Variants in KIF13A observed in about 807,000 individuals in gnomAD.
KIF13A encodes kinesin family member 13A.
KIF13A carries 79 observed loss-of-function variants against 212.2 expected under a neutral mutation model. The observed-to-expected ratio is 0.37, with a 90% CI of 0.31 to 0.45. The LOEUF (loss-of-function observed/expected upper bound fraction) is 0.45. Ranked by LOEUF, KIF13A falls within the 20% of genes least tolerant of loss-of-function variation. The pLI is 1.00. For synonymous variants in KIF13A, 789 were observed against 808.6 expected (o/e 0.98, Z 0.41); for missense variants, 1,901 against 2,209.0 (o/e 0.86, Z 2.79).
chr6:17,907,047 G>A (rs983349512), intron 2 of KIF13A, among the ~76,000 whole-genome samples: 1 of 152,162 alleles, frequency 6.6e-6, no homozygotes, highest in Middle Eastern at 3.2e-3. Flanking sequence ...ATATGTCTGT[G>A]AATTGAAATG....
rs1156422164 is a variant in KIF13A, at chr6:17,787,181, A to AT, written c.3361+594dup. Among the ~76,000 whole-genome samples the AT allele has an allele frequency of 1.3e-5, 2 of 152,212 alleles. No individual in the cohort carries two copies. The highest frequency in any genetic ancestry group is 1.5e-5 in the Non-Finnish European group (1 of 68,036). On this transcript the variant is annotated intron_variant, in intron 27 of 38. Transcript: ENST00000259711. This position sits in a 1 kb window ranked among gnomAD's most constrained non-coding sequence, Gnocchi z 4.6. Reference sequence around the variant, plus strand: ...GGTGCCTAAAGTACCTTGTATTGACATACTGGTATTGATCACATTTGTGTT... The same window carrying AT: ...GGTGCCTAAAGTACCTTGTATTGACATTACTGGTATTGATCACATTTGTGTT...
In KIF13A at chr6:17,804,394, C is replaced by G. The variant is rs764895482; in HGVS notation, c.2421G>C (p.Gln807His). The G allele has an allele frequency of 3.2e-6, 5 of 1,553,790 alleles. No individual in the cohort carries two copies. The highest frequency in any genetic ancestry group is 4.4e-6 in the Non-Finnish European group (5 of 1,147,922). The change falls in exon 20 of 39, where the codon CAG becomes CAC. Residue 807 changes from glutamine (Q) to histidine (H), a missense_variant. By Grantham distance (24) the Gln-to-His change is conservative (BLOSUM62 0). This residue lies in a region of KIF13A where 534 missense variants were observed against 536.9 expected (regional missense o/e 0.99). Coordinates refer to ENST00000259711, the MANE Select transcript of KIF13A (RefSeq NM_022113.6). The part of the protein sequence containing the change: ...LECLFCDVKL[Q>H]YAVPIISQQG... ...GCTGGCTGATGATAGGGACTGCATA[C>G]TGAAGTTTCACATCACAGAAGAGGC...
In KIF13A at chr6:17,957,600, T is replaced by C. The variant is rs150290282; in HGVS notation, c.146+29454A>G. Among the ~76,000 whole-genome samples the C allele has an allele frequency of 2.6e-3, 390 of 152,276 alleles. 1 individual carries two copies. The highest frequency in any genetic ancestry group is 9.0e-3 in the African/African-American group (375 of 41,558). ...GAAGCCCAGACTTGTGACTGATGTT[T>C]AAAACAGGGGGGCAGTCTTGTGGGA... On this transcript the variant is annotated intron_variant, in intron 2 of 38. Transcript: ENST00000259711.
chr6:17,804,570 A>T (rs1762768703), intron 19 of KIF13A, 60 bp from the exon 20 acceptor site: 7 of 1,385,404 alleles, frequency 5.1e-6, no homozygotes, highest in Non-Finnish European at 6.7e-6. Context: ...AATTTAAATA[A>T]TATTATTTAA....
At chr6:17,907,078 AT>A (rs1384659483) in intron 2 of KIF13A, among the ~76,000 whole-genome samples, 1 of 152,216 alleles carries the variant, frequency 6.6e-6, no homozygotes, top group Non-Finnish European at 1.5e-5. Flanking sequence ...ACTTTAATTA[AT>A]AGCTAACACT....
Position 17,768,423 on chromosome 6 carries a change from G to A in KIF13A, c.4581+2691C>T, listed in dbSNP as rs892147197. ...ACATTAAAGCAGTGACTCTTTGTAA[G>A]GAGTTTCCTTCATTAATGCAATTTC... is the stretch of plus-strand genomic sequence containing the variant. On this transcript the variant is annotated intron_variant, in intron 38 of 38. Transcript: ENST00000259711. The surrounding 1 kb of genome is among the most constrained non-coding windows in gnomAD (Gnocchi z 5.4). 6.6e-6 allele frequency among the ~76,000 whole-genome samples: 1 copy of A among 152,186 alleles called. No homozygotes were observed. Among genetic ancestry groups the A allele is most frequent in the Non-Finnish European group, 1.5e-5 (1 of 68,020 alleles).
rs1760794568 is a variant in KIF13A at position 17,783,585 on chromosome 6, T to C, written c.3544+61A>G. Reference sequence around the variant, plus strand: ...TTTAAGGATCAAAATAATGTGAATCTGGATAGATTACAAACCTTAGTTAAA... The same window carrying C: ...TTTAAGGATCAAAATAATGTGAATCCGGATAGATTACAAACCTTAGTTAAA... On this transcript the variant is annotated intron_variant, in intron 29 of 38. Transcript: ENST00000259711. This position sits in a 1 kb window ranked among gnomAD's most constrained non-coding sequence, Gnocchi z 4.3. 3 of 1,075,692 alleles carry C rather than the reference T, an allele frequency of 2.8e-6. No homozygotes were observed. In the Admixed American group the frequency reaches 6.0e-5, roughly 22 times the overall value. The allele number at this position is 1,075,692 out of a possible 1,614,324, so 66.6% of individuals were successfully genotyped here.
rs572524570 is a variant in KIF13A at position 17,838,821 on chromosome 6, T to G, written c.831-1238A>C. Among the ~76,000 whole-genome samples the G allele has an allele frequency of 5.3e-4, 81 of 152,168 alleles. No homozygotes were observed. The highest frequency in any genetic ancestry group is 9.3e-4 in the Non-Finnish European group (63 of 68,004). On this transcript the variant is annotated intron_variant, in intron 9 of 38. Coordinates refer to ENST00000259711, the MANE Select transcript of KIF13A (RefSeq NM_022113.6). This position sits in a 1 kb window ranked among gnomAD's most constrained non-coding sequence, Gnocchi z 4.2. ...AGGATGACGAGCTTATTTTTTTGTTTGTTTGTTTTTTGAGATGGAATCTCG... is the reference window on the plus strand; with the variant it reads ...AGGATGACGAGCTTATTTTTTTGTTGGTTTGTTTTTTGAGATGGAATCTCG...
At chr6:17,929,198 A>G (rs1444010270) in intron 2 of KIF13A, among the ~76,000 whole-genome samples, 2 of 151,672 alleles carry the variant, frequency 1.3e-5, no homozygotes, top group Non-Finnish European at 2.9e-5. Context: ...GGCTTTACCT[A>G]TGTGTGTGTG....
At chr6:17,763,213 A>G (rs574065590), downstream of KIF13A, among the ~76,000 whole-genome samples, 2 of 152,328 alleles carry the variant, frequency 1.3e-5, no homozygotes, top group African/African-American at 2.4e-5. Flanking sequence ...AGTCAGGCAC[A>G]GTGGCTCATG....
In KIF13A at chr6:17,794,443, G is replaced by T; in HGVS notation, c.3076-48C>A. On this transcript the variant is annotated intron_variant, in intron 24 of 38. Transcript: ENST00000259711. This position sits in a 1 kb window ranked among gnomAD's most constrained non-coding sequence, Gnocchi z 4.1. ...TGGGTGCCAGGAATGATAATGAAAA[G>T]GAACGGGATAAAGAAGGGGAAAAGG... The T allele has an allele frequency of 6.3e-7, 1 of 1,585,192 alleles. No individual in the cohort carries two copies. Among genetic ancestry groups the T allele is most frequent in the Admixed American group, 1.8e-5 (1 of 57,054 alleles).
At chr6:17,901,758 C>T (rs1773076985) in intron 2 of KIF13A, among the ~76,000 whole-genome samples, 1 of 152,150 alleles carries the variant, frequency 6.6e-6, no homozygotes, top group Non-Finnish European at 1.5e-5. Context: ...CATCTTTTAA[C>T]AATATGGAAA....
intron 3 of KIF13A, among the ~76,000 whole-genome samples, chr6:17,877,352 C>T (rs1770662622): frequency 6.6e-6 from 1 of 152,078 alleles, no homozygotes; most frequent in East Asian, 1.9e-4. Context: ...AGTTATGAAA[C>T]AATAGTTTCA....
chr6:17,891,662 GCAGGAGGATTGCTTGAGCC>G (rs1165747401), intron 3 of KIF13A, among the ~76,000 whole-genome samples: 1 of 152,104 alleles, frequency 6.6e-6, no homozygotes, highest in African/African-American at 2.4e-5. Flanking sequence ...GGAGGCTGAG[GCAGGAGGATTGCTTGAGCC>G]CAGGAGTTTG....
intron 11 of KIF13A, among the ~76,000 whole-genome samples, chr6:17,836,371 C>T (rs1164269087): frequency 6.6e-6 from 1 of 152,130 alleles, no homozygotes; most frequent in Admixed American, 6.5e-5. Context: ...AGTTCAAAGG[C>T]CAACTGATTT....
chr6:17,852,911 T>C (rs1475692530), intron 6 of KIF13A, among the ~76,000 whole-genome samples: 1 of 152,214 alleles, frequency 6.6e-6, no homozygotes, highest in Non-Finnish European at 1.5e-5. Flanking sequence ...TAAAGCTCTT[T>C]TGAATTTTTA....
chr6:17,830,293 T>C (rs755605906), intron 13 of KIF13A, among the ~76,000 whole-genome samples: 6 of 152,200 alleles, frequency 3.9e-5, no homozygotes, highest in Non-Finnish European at 7.3e-5. Context: ...TGTGTGTGTA[T>C]TGGTGGAATT....
intron 12 of KIF13A, 37 bp downstream of exon 12, chr6:17,833,924 A>T: frequency 8.9e-7 from 1 of 1,118,454 alleles, no homozygotes. Flanking sequence ...TAAGTGAAAA[A>T]GAATCCCAAT....
Position 17,855,964 on chromosome 6 carries a change from G to T in KIF13A, c.313+66C>A. ...GGGCTCAGGAGATCCTCCCACCCCA[G>T]CCTCACCAAGTCCTGGGATTATAGG... is the stretch of plus-strand genomic sequence containing the variant. On this transcript the variant is annotated intron_variant, in intron 5 of 38. Transcript: ENST00000259711. The surrounding 1 kb of genome is among the most constrained non-coding windows in gnomAD (Gnocchi z 4.1). The T allele has an allele frequency of 8.9e-7, 1 of 1,128,730 alleles. No individual in the cohort carries two copies. Among genetic ancestry groups the T allele is most frequent in the Non-Finnish European group, 1.3e-6 (1 of 753,942 alleles). The allele number at this position is 1,128,730 out of a possible 1,614,324, so 69.9% of individuals were successfully genotyped here.
Sources: gnomAD v4.1 joint callset for allele counts (sites outside exome capture counted in the v4.1 genomes callset) on GRCh38, gnomAD v4.1.1 for gene constraint, gnomAD v4.1.1 regional missense constraint, Gnocchi (gnomAD v3.1) non-coding constraint, MANE v1.5 for transcripts, NCBI Gene and HGNC (gene_info 2026-07-23, HGNC 2026-07-21) for gene names.